Variants in BIRC6 observed in about 807,000 individuals in gnomAD.
BIRC6 encodes dual E2 ubiquitin-conjugating enzyme/E3 ubiquitin-protein ligase BIRC6.
Under a neutral mutation model 503.3 loss-of-function variants are expected in BIRC6, and 98 were observed. The ratio of observed to expected loss-of-function variants is 0.19; its 90% confidence interval spans 0.17 to 0.23. The LOEUF (loss-of-function observed/expected upper bound fraction) is 0.23. Ranked by LOEUF, BIRC6 falls within the 10% of genes least tolerant of loss-of-function variation. BIRC6 has a pLI of 1.00. For missense variants in BIRC6, 5,360 were observed against 5,806.0 expected (o/e 0.92, Z 2.50); for synonymous variants, 2,240 against 2,078.7 (o/e 1.08, Z -2.11).
At chr2:32,383,730 C>G (rs2038033288) in intron 3 of BIRC6, among the ~76,000 whole-genome samples, 1 of 152,246 alleles carries the variant, frequency 6.6e-6, no homozygotes, top group African/African-American at 2.4e-5. Flanking sequence ...CGGGGTTTCA[C>G]TGTGTTGGCC....
intron 6 of BIRC6, among the ~76,000 whole-genome samples, chr2:32,397,839 G>A (rs1457070091): frequency 6.6e-6 from 1 of 151,892 alleles, no homozygotes; most frequent in Non-Finnish European, 1.5e-5. Flanking sequence ...TATTTTCTAT[G>A]GAAAGTTGAT....
At chr2:32,374,085 CAG>C (rs901197206) in intron 1 of BIRC6, among the ~76,000 whole-genome samples, 4 of 152,122 alleles carry the variant, frequency 2.6e-5, no homozygotes, top group Non-Finnish European at 4.4e-5. Flanking sequence ...TTAAAGCGTA[CAG>C]AGTTTCCCTT....
intron 51 of BIRC6, among the ~76,000 whole-genome samples, chr2:32,509,505 G>C (rs1198853582): frequency 6.6e-6 from 1 of 151,936 alleles, no homozygotes; most frequent in Non-Finnish European, 1.5e-5. Context: ...CACCTGCCTC[G>C]GCCTCCCAAA....
At chr2:32,484,921 C>T (rs941238327) in intron 39 of BIRC6, among the ~76,000 whole-genome samples, 3 of 152,076 alleles carry the variant, frequency 2.0e-5, no homozygotes, top group Admixed American at 2.0e-4. Context: ...TTTTGATGTT[C>T]AGATTGTCTC....
At chr2:32,540,135 C>G (rs902142361) in intron 61 of BIRC6, among the ~76,000 whole-genome samples, 1 of 152,014 alleles carries the variant, frequency 6.6e-6, no homozygotes, top group Non-Finnish European at 1.5e-5. Flanking sequence ...TGTAATCAAA[C>G]ATACAGAATT....
chr2:32,358,038 T>G (rs868099674), intron 1 of BIRC6, among the ~76,000 whole-genome samples: 59 of 91,644 alleles, frequency 6.4e-4, no homozygotes, highest in Middle Eastern at 5.2e-3. Context: ...GGGGTGGGGG[T>G]GGGGTGGGGG....
chr2:32,510,430 C>T, intron 52 of BIRC6, 96 bp from the exon 53 acceptor site: 1 of 758,414 alleles, frequency 1.3e-6, no homozygotes. Context: ...TTATGGAAGC[C>T]TCATTTTTAA....
At position 32,547,934 on chromosome 2, in the gene BIRC6, T is replaced by C. The variant is rs2058164162; in HGVS notation, c.12895T>C (p.Ser4299Pro). The C allele has an allele frequency of 6.2e-7, 1 of 1,613,712 alleles. No individual in the cohort carries two copies. Among genetic ancestry groups the C allele is most frequent in the Admixed American group, 1.7e-5 (1 of 59,968 alleles). The part of the protein sequence containing the change: ...WAKGTGFGTG[S>P]TASGWDVEQA... Reference sequence around the variant, plus strand: ...CAAAGGGACTGGCTTTGGAACAGGCTCTACAGCTTCTGGGTGGGATGTGGA... The same window carrying C: ...CAAAGGGACTGGCTTTGGAACAGGCCCTACAGCTTCTGGGTGGGATGTGGA... The change falls in exon 64 of 74, where the codon TCT (serine) becomes CCT (proline). Residue 4299 changes from serine to proline, a missense_variant. By Grantham distance (74) the Ser-to-Pro change is moderately conservative. Coordinates refer to ENST00000421745, the MANE Select transcript of BIRC6 (RefSeq NM_016252.4).
At chr2:32,451,104 A>G (rs1307621871) in intron 22 of BIRC6, among the ~76,000 whole-genome samples, 2 of 152,214 alleles carry the variant, frequency 1.3e-5, no homozygotes, top group African/African-American at 2.4e-5. Context: ...TGGTCTGCCT[A>G]CATCTGTTCT....
chr2:32,402,627 T>C (rs1165859049), intron 8 of BIRC6, among the ~76,000 whole-genome samples: 2 of 152,310 alleles, frequency 1.3e-5, no homozygotes, highest in East Asian at 3.9e-4. Context: ...ATTAAAGCCT[T>C]GTGGTTGTTC....
At chr2:32,426,979 A>C (rs972353629) in intron 10 of BIRC6, among the ~76,000 whole-genome samples, 1 of 152,130 alleles carries the variant, frequency 6.6e-6, no homozygotes, top group Admixed American at 6.5e-5. Context: ...TGTTTCTCAT[A>C]GTGATCTGTT....
At chr2:32,398,821 C>T (rs185828973) in intron 6 of BIRC6, among the ~76,000 whole-genome samples, 304 of 152,164 alleles carry the variant, frequency 2.0e-3, no homozygotes, top group African/African-American at 7.1e-3. Flanking sequence ...CTAGATTTAG[C>T]TGGGAGGGAA....
intron 1 of BIRC6, among the ~76,000 whole-genome samples, chr2:32,374,764 G>C (rs1050803042): frequency 6.6e-6 from 1 of 152,026 alleles, no homozygotes. Context: ...GAGCCACCGC[G>C]CCCGGCAATT....
At position 32,509,865 on chromosome 2, in the gene BIRC6, T is replaced by G; in HGVS notation, c.10108T>G (p.Tyr3370Asp). ...TTGTGCGGCCTTATTGATGTCACCTTACTGTGGAATGCATTCACCCAACAT... is the reference window on the plus strand; with the variant it reads ...TTGTGCGGCCTTATTGATGTCACCTGACTGTGGAATGCATTCACCCAACAT... ...QTCAALLMSP[Y>D]CGMHSPNIEV... is the part of the protein sequence containing the mutation. Residue 3370 changes from tyrosine (Y) to aspartate (D), a missense_variant, in exon 52 of 74, where the codon TAC becomes GAC. Around this residue, in one of 16 missense-constraint regions of BIRC6, gnomAD observed 878 missense variants for 928.9 expected, o/e 0.95. Transcript: ENST00000421745. The G allele has an allele frequency of 6.2e-7, 1 of 1,614,008 alleles. No individual in the cohort carries two copies. The highest frequency in any genetic ancestry group is 8.5e-7 in the Non-Finnish European group (1 of 1,179,872).
At chr2:32,512,350 T>C (rs2054533962) in intron 53 of BIRC6, among the ~76,000 whole-genome samples, 1 of 152,204 alleles carries the variant, frequency 6.6e-6, no homozygotes, top group African/African-American at 2.4e-5. Context: ...TCCCAGGTTG[T>C]GGTTCAAAAT....
chr2:32,489,129 T>C (rs944211890), intron 42 of BIRC6, among the ~76,000 whole-genome samples: 5 of 152,096 alleles, frequency 3.3e-5, no homozygotes, highest in Admixed American at 6.6e-5. Context: ...GTGTGTTTCT[T>C]GGCAAAATAT....
chr2:32,487,268 G>A (rs2051108484), intron 40 of BIRC6, among the ~76,000 whole-genome samples: 1 of 152,124 alleles, frequency 6.6e-6, no homozygotes, highest in Non-Finnish European at 1.5e-5. Flanking sequence ...CAAGGTTAAA[G>A]ATGAATGAAC....
In BIRC6 at chr2:32,499,398, T is replaced by C. The variant is rs563648125; in HGVS notation, c.8469-149T>C. On this transcript the variant is annotated intron_variant, in intron 45 of 73. Transcript: ENST00000421745. ...GAAAACTATTAGCTACCTAATGAAA[T>C]AGTGAATATCAAGAATTTGTTTAAC... is the stretch of plus-strand genomic sequence containing the variant. 24 of 683,950 alleles carry C rather than the reference T, an allele frequency of 3.5e-5. No homozygotes were observed. The African/African-American group carries it at 3.8e-4, about 11-fold the overall frequency. The allele number at this position is 683,950 out of a possible 1,614,324, so 42.4% of individuals were successfully genotyped here.
At chr2:32,576,477 G>A (rs1402818937) in intron 66 of BIRC6, among the ~76,000 whole-genome samples, 1 of 152,102 alleles carries the variant, frequency 6.6e-6, no homozygotes, top group Non-Finnish European at 1.5e-5. Context: ...GCCTAATTCT[G>A]AATTTTGAAG....
Sources: gnomAD v4.1 joint callset for allele counts (sites outside exome capture counted in the v4.1 genomes callset) on GRCh38, gnomAD v4.1.1 for gene constraint, gnomAD v4.1.1 regional missense constraint, MANE v1.5 for transcripts, NCBI Gene and HGNC (gene_info 2026-07-23, HGNC 2026-07-21) for gene names.